The following USP4 variants were observed in gnomAD, a reference collection of about 807,000 sequenced individuals.
USP4 encodes the protein ubiquitin carboxyl-terminal hydrolase 4.
USP4 carries 72 observed loss-of-function variants against 118.2 expected under a neutral mutation model. That is an observed-to-expected ratio of 0.61 (90% CI 0.50 to 0.74). The LOEUF (loss-of-function observed/expected upper bound fraction) is 0.74, where lower values mean the gene tolerates loss of function less well. Ranked by LOEUF, USP4 falls within the 30% of genes least tolerant of loss-of-function variation. The probability of loss-of-function intolerance (pLI) is 0.00; values close to 1 mark genes in which losing one functional copy is unlikely to be tolerated. For synonymous variants in USP4, 415 were observed against 440.4 expected, an observed-to-expected ratio of 0.94 and a Z score of 0.72; for missense variants, 1,037 against 1,185.7, an observed-to-expected ratio of 0.87 and a Z score of 1.84.
At chr3:49,337,649 C>A (rs751203975) in intron 1 of USP4, among the ~76,000 whole-genome samples, 8 of 151,786 alleles carry the variant, frequency 5.3e-5, no homozygotes, top group Non-Finnish European at 1.0e-4. Flanking sequence ...GTTGCCCAGG[C>A]TGGTCTTGAA....
intron 9 of USP4, among the ~76,000 whole-genome samples, chr3:49,304,333 C>T (rs951395321): frequency 2.6e-5 from 4 of 151,972 alleles, no homozygotes; most frequent in African/African-American, 7.3e-5. Context: ...ATCTGCTGAG[C>T]GGGAGGGAGC....
chr3:49,299,454 G>A (rs1373804379), intron 11 of USP4, among the ~76,000 whole-genome samples: 4 of 149,390 alleles, frequency 2.7e-5, no homozygotes, highest in African/African-American at 5.0e-5. Flanking sequence ...GTGCAGTGGC[G>A]CAATCTTGGC....
intron 13 of USP4, among the ~76,000 whole-genome samples, chr3:49,295,288 CAAAAAAAAAAAAAAAAAAA>C (rs34296887): frequency 1.7e-4 from 2 of 11,928 alleles, no homozygotes; most frequent in Non-Finnish European, 3.6e-4. Flanking sequence ...GACTCCATCT[CAAAAAAAAAAAAAAAAAAA>C]AAAAAAAAAA....
chr3:49,294,679 C>T, intron 13 of USP4, 81 bp from the exon 14 acceptor site: 10 of 1,383,404 alleles, frequency 7.2e-6, no homozygotes, highest in Non-Finnish European at 1.0e-5. Context: ...TATGTGGTGG[C>T]CAGGGCTATG....
intron 2 of USP4, among the ~76,000 whole-genome samples, chr3:49,329,320 C>T (rs980791978): frequency 6.6e-6 from 1 of 152,082 alleles, no homozygotes; most frequent in Admixed American, 6.6e-5. Context: ...TGAAGTCATC[C>T]GTAAGTGTTG....
At chr3:49,324,094 A>G (rs1267885768) in intron 6 of USP4, among the ~76,000 whole-genome samples, 4 of 151,968 alleles carry the variant, frequency 2.6e-5, no homozygotes, top group African/African-American at 7.2e-5. Context: ...CACCTCCTGG[A>G]TTCAAGCGAC....
chr3:49,312,791 C>A (rs1575612954), intron 6 of USP4: 1 of 154,144 alleles, frequency 6.5e-6, no homozygotes, highest in Non-Finnish European at 1.4e-5. Flanking sequence ...GAGACTCTGT[C>A]TCTTAAAAAA....
Position 49,284,861 on chromosome 3 carries a change from CTCA to C in USP4, c.2256_2258del (p.Asp752del), listed in dbSNP as rs1302759464. The C allele has an allele frequency of 6.2e-7, 1 of 1,613,762 alleles. No individual in the cohort carries two copies. Among genetic ancestry groups the C allele is most frequent in the Non-Finnish European group, 8.5e-7 (1 of 1,179,808 alleles). On this transcript the variant is annotated inframe_deletion, in exon 17 of 22. Transcript: ENST00000265560. Reference sequence around the variant, plus strand: ...CCGAGGGACCTACCTCAGATTCTTGCTCATCATAGTAAAGTCTCCGAGTTTCAC... The same window carrying C: ...CCGAGGGACCTACCTCAGATTCTTGCTCATAGTAAAGTCTCCGAGTTTCAC...
intron 15 of USP4, among the ~76,000 whole-genome samples, chr3:49,286,683 A>G (rs552158128): frequency 8.5e-5 from 13 of 152,244 alleles, no homozygotes; most frequent in Non-Finnish European, 1.6e-4. Context: ...AAGGGCTTAA[A>G]TGAAACGCAC....
At chr3:49,308,071 G>A (rs1445161877) in intron 8 of USP4, among the ~76,000 whole-genome samples, 1 of 152,066 alleles carries the variant, frequency 6.6e-6, no homozygotes, top group African/African-American at 2.4e-5. Flanking sequence ...GCTTCTGGGA[G>A]GTAATCTATT....
At chr3:49,299,250 T>A (rs956085294) in intron 11 of USP4, among the ~76,000 whole-genome samples, 4 of 151,304 alleles carry the variant, frequency 2.6e-5, no homozygotes, top group African/African-American at 9.7e-5. Context: ...CCACCACGCC[T>A]GGATAATTTT....
intron 17 of USP4, 67 bp downstream of exon 17, chr3:49,284,782 T>C: frequency 6.8e-7 from 1 of 1,465,518 alleles, no homozygotes; most frequent in Non-Finnish European, 9.5e-7. Context: ...CTGGTGAAAG[T>C]GATCGCAGTC....
At chr3:49,284,427 T>A (rs774422293) in intron 18 of USP4, 39 bp downstream of exon 18, 5 of 1,537,892 alleles carry the variant, frequency 3.3e-6, no homozygotes, top group Non-Finnish European at 4.5e-6. Flanking sequence ...AGTCCTGGGG[T>A]GCATGGGGCC....
rs753994580 is a variant in USP4 at position 49,277,192 on chromosome 3, C to T, written c.*1101G>A. The stretch of plus-strand genomic sequence containing the variant: ...GCCACGTCCTTGTCCTCACCCGCAG[C>T]GCAGTGACGCCGACCCATCCAACGG... On this transcript the variant is annotated 3_prime_UTR_variant, in exon 22 of 22. Coordinates refer to ENST00000265560, the MANE Select transcript of USP4 (RefSeq NM_003363.4). 10 of 1,359,204 alleles carry T rather than the reference C, an allele frequency of 7.4e-6. No individual in the cohort carries two copies. In the South Asian group the frequency reaches 1.1e-4, roughly 15 times the overall value. 84.2% of individuals were successfully genotyped at this position (1,359,204 alleles called of 1,614,324 possible). A position where few individuals can be genotyped will look rare whatever the true frequency, so the allele number is the denominator to read the frequency against.
chr3:49,277,283 AAAT>A lies in USP4; in HGVS notation c.*1007_*1009del, dbSNP rs763372224. 1.9e-5 allele frequency: 24 copies of A among 1,266,886 alleles called. No individual in the cohort carries two copies. In the East Asian group the frequency reaches 5.7e-4, roughly 30 times the overall value. The allele number at this position is 1,266,886 out of a possible 1,614,324, so 78.5% of individuals were successfully genotyped here. A position where few individuals can be genotyped will look rare whatever the true frequency, so the allele number is the denominator to read the frequency against. On this transcript the variant is annotated 3_prime_UTR_variant, in exon 22 of 22. Transcript: ENST00000265560. ...CGGATTAGGTTGAAGGTCAGACAAA[AAAT>A]CCCGGACCCATACGTCCGGTTCCTT...
Position 49,327,742 on chromosome 3 carries a change from T to G in USP4, c.304A>C (p.Asn102His), listed in dbSNP as rs752126301. 8.7e-6 allele frequency: 14 copies of G among 1,614,136 alleles called. No individual in the cohort carries two copies. Among genetic ancestry groups the G allele is most frequent in the East Asian group, 2.2e-5 (1 of 44,880 alleles). Residue 102 changes from asparagine (N) to histidine (H), a missense_variant, in exon 3 of 22, where the codon AAT becomes CAT. Asn to His is a moderately conservative substitution (Grantham distance 68). This residue lies in a region of USP4 where 487 missense variants were observed against 534.1 expected (regional missense o/e 0.91). Transcript: ENST00000265560. ...CAGCCGTACCAGTTTAGTAGTTTAT[T>G]CCACGCCTCGGTAGGGACCAATACA... ...DYVLVPTEAW[N>H]KLLNWYGCVE...
At chr3:49,336,632 C>G (rs1261408877) in intron 1 of USP4, among the ~76,000 whole-genome samples, 2 of 151,838 alleles carry the variant, frequency 1.3e-5, no homozygotes, top group Non-Finnish European at 2.9e-5. Flanking sequence ...TCAAGTGATT[C>G]TCCTGCCTCA....
At position 49,286,274 on chromosome 3, in the gene USP4, G is replaced by C; in HGVS notation, c.2024C>G (p.Ser675Ter). Residue 675 changes from serine to a stop codon, truncating the protein, a stop_gained, in exon 16 of 22, where the codon TCA becomes TGA. Transcript: ENST00000265560. LOFTEE classifies it high-confidence loss of function. ...EHQEEGKEQL[S>*]ETEGSGEDEP... is the part of the protein sequence containing the mutation. ...ATCTTCCCCACTGCCTTCTGTTTCTGAAAGCTGCTCTTTGCCTTCTTCCTG... is the reference window on the plus strand; with the variant it reads ...ATCTTCCCCACTGCCTTCTGTTTCTCAAAGCTGCTCTTTGCCTTCTTCCTG... 1.9e-6 allele frequency: 3 copies of C among 1,614,080 alleles called. No homozygotes were observed. Among genetic ancestry groups the C allele is most frequent in the Non-Finnish European group, 2.5e-6 (3 of 1,180,020 alleles).
At chr3:49,314,369 G>T (rs1014015588) in intron 6 of USP4, among the ~76,000 whole-genome samples, 1 of 152,142 alleles carries the variant, frequency 6.6e-6, no homozygotes, top group Non-Finnish European at 1.5e-5. Context: ...AAGAGGATTT[G>T]GTTCACACAG....
Sources: gnomAD v4.1 joint callset for allele counts (sites outside exome capture counted in the v4.1 genomes callset) on GRCh38, gnomAD v4.1.1 for gene constraint, gnomAD v4.1.1 regional missense constraint, MANE v1.5 for transcripts, NCBI Gene and HGNC (gene_info 2026-07-23, HGNC 2026-07-21) for gene names.